The following DPP10 variants were observed in gnomAD, a reference collection of about 807,000 sequenced individuals.
The protein encoded by DPP10 is dipeptidyl peptidase like 10, also known as inactive dipeptidyl peptidase 10.
DPP10 carries 33 observed loss-of-function variants against 120.9 expected under a neutral mutation model. That is an observed-to-expected ratio of 0.27 (90% CI 0.21 to 0.37). The LOEUF (loss-of-function observed/expected upper bound fraction) is 0.37, where lower values mean the gene tolerates loss of function less well. DPP10 is among the 10% of genes least tolerant of loss of function. The pLI is 1.00. For synonymous variants in DPP10, 337 were observed against 326.1 expected, an observed-to-expected ratio of 1.03 and a Z score of -0.36; for missense variants, 816 against 942.8, an observed-to-expected ratio of 0.87 and a Z score of 1.76.
At chr2:115,189,868 T>C (rs370453602) in intron 1 of DPP10, among the ~76,000 whole-genome samples, 23 of 152,130 alleles carry the variant, frequency 1.5e-4, no homozygotes, top group African/African-American at 5.6e-4. Flanking sequence ...CCATTTACTG[T>C]ACCATTTTTC....
intron 11 of DPP10, 106 bp from the exon 12 acceptor site, chr2:115,762,466 T>A: frequency 9.0e-7 from 1 of 1,105,134 alleles, no homozygotes. Context: ...GTTTCACCAG[T>A]TGAAGAGAGG....
intron 1 of DPP10, among the ~76,000 whole-genome samples, chr2:114,574,575 C>A (rs1187929157): frequency 6.6e-6 from 1 of 152,132 alleles, no homozygotes; most frequent in East Asian, 1.9e-4. Flanking sequence ...GAGGCATATT[C>A]CAGATCTTTG....
At chr2:115,762,763 G>C (rs1456236045) in intron 12 of DPP10, among the ~76,000 whole-genome samples, 153 bp downstream of exon 12, 1 of 152,074 alleles carries the variant, frequency 6.6e-6, no homozygotes, top group East Asian at 1.9e-4. Flanking sequence ...CTTATGACTT[G>C]GGCTTTCTAT....
At chr2:114,971,694 G>A (rs1302610602) in intron 1 of DPP10, among the ~76,000 whole-genome samples, 2 of 152,142 alleles carry the variant, frequency 1.3e-5, no homozygotes, top group Non-Finnish European at 2.9e-5. Flanking sequence ...CACAGGAAAA[G>A]GGGGGCAAGG....
intron 2 of DPP10, among the ~76,000 whole-genome samples, chr2:115,343,429 A>T (rs2063547970): frequency 1.3e-5 from 2 of 152,152 alleles, no homozygotes; most frequent in Admixed American, 6.5e-5. Flanking sequence ...TTTAACAACA[A>T]AACTGTACAT....
chr2:115,041,775 C>T (rs1704663134), intron 1 of DPP10, among the ~76,000 whole-genome samples: 1 of 152,082 alleles, frequency 6.6e-6, no homozygotes, highest in Admixed American at 6.5e-5. Context: ...TCTTGCTGAC[C>T]TTATCCTTCA....
intron 3 of DPP10, among the ~76,000 whole-genome samples, chr2:115,450,394 C>T (rs753544881): frequency 3.3e-5 from 5 of 151,958 alleles, no homozygotes; most frequent in Non-Finnish European, 7.4e-5. Flanking sequence ...AAGTTGAAGA[C>T]CATCTGTATA....
At chr2:115,599,258 C>T (rs905486678) in intron 5 of DPP10, among the ~76,000 whole-genome samples, 2 of 152,092 alleles carry the variant, frequency 1.3e-5, no homozygotes, top group African/African-American at 4.8e-5. Flanking sequence ...TCAAGCAGCT[C>T]TTCTGCTCCA....
At chr2:115,829,458 C>A (rs1688703028) in intron 21 of DPP10, among the ~76,000 whole-genome samples, 1 of 151,724 alleles carries the variant, frequency 6.6e-6, no homozygotes, top group Non-Finnish European at 1.5e-5. Context: ...AGAATTTTCA[C>A]TCTTTACTTC....
At chr2:114,950,616 G>C (rs995520581) in intron 1 of DPP10, among the ~76,000 whole-genome samples, 1 of 151,308 alleles carries the variant, frequency 6.6e-6, no homozygotes, top group African/African-American at 2.4e-5. Context: ...TCTAATAGCT[G>C]TACAACTTAG....
At chr2:114,633,305 G>A (rs187473874) in intron 1 of DPP10, among the ~76,000 whole-genome samples, 1 of 127,484 alleles carries the variant, frequency 7.8e-6, no homozygotes, top group Non-Finnish European at 1.5e-5. Context: ...AGGCTGGAGT[G>A]CAGTGGCACG....
intron 22 of DPP10, 46 bp downstream of exon 22, chr2:115,836,302 A>G: frequency 3.9e-6 from 6 of 1,533,002 alleles, no homozygotes; most frequent in Non-Finnish European, 5.3e-6. Flanking sequence ...ATTGATTTGT[A>G]GAAAACGAAA....
chr2:115,231,882 C>T (rs555459727), intron 1 of DPP10, among the ~76,000 whole-genome samples: 1 of 152,192 alleles, frequency 6.6e-6, no homozygotes, highest in Non-Finnish European at 1.5e-5. Context: ...TGAGAGTCAT[C>T]TGGAGAATCA....
intron 1 of DPP10, among the ~76,000 whole-genome samples, chr2:114,756,419 G>A (rs1396848971): frequency 6.6e-6 from 1 of 152,192 alleles, no homozygotes; most frequent in Non-Finnish European, 1.5e-5. Flanking sequence ...CAGTTAAGCT[G>A]GTGAGGAGGA....
intron 1 of DPP10, among the ~76,000 whole-genome samples, chr2:115,026,371 G>A (rs1226505405): frequency 1.3e-5 from 2 of 151,950 alleles, no homozygotes; most frequent in African/African-American, 2.4e-5. Flanking sequence ...TGTTCCATTG[G>A]TCTATGTATC....
intron 1 of DPP10, among the ~76,000 whole-genome samples, chr2:115,061,041 C>G (rs1706360042): frequency 6.6e-6 from 1 of 152,160 alleles, no homozygotes; most frequent in South Asian, 2.1e-4. Flanking sequence ...ACCAGAGTCT[C>G]TTGGTTCCCT....
intron 1 of DPP10, among the ~76,000 whole-genome samples, chr2:115,115,871 C>T (rs1401738084): frequency 6.6e-6 from 1 of 152,046 alleles, no homozygotes; most frequent in Non-Finnish European, 1.5e-5. Flanking sequence ...TGGTGCACAA[C>T]CTACACAGTA....
chr2:115,362,638 C>T (rs540714400), intron 3 of DPP10, among the ~76,000 whole-genome samples: 6 of 152,010 alleles, frequency 3.9e-5, no homozygotes, highest in African/African-American at 1.2e-4. Context: ...ATAGTGGATA[C>T]GAAATTATTA....
At chr2:114,532,288 T>C (rs1346964342) in intron 1 of DPP10, among the ~76,000 whole-genome samples, 5 of 53,786 alleles carry the variant, frequency 9.3e-5, no homozygotes, top group Non-Finnish European at 1.6e-4. Context: ...TATATATATA[T>C]ATATATATAC....
Sources: allele counts gnomAD v4.1 joint callset (sites outside exome capture counted in the v4.1 genomes callset), GRCh38; gene constraint gnomAD v4.1.1; transcripts MANE v1.5; gene names NCBI Gene and HGNC (gene_info 2026-07-23, HGNC 2026-07-21).